The following SLC35F3 variants were observed in gnomAD, a reference collection of about 807,000 sequenced individuals.
SLC35F3 encodes the protein solute carrier family 35 member F3, also known as putative thiamine transporter SLC35F3.
Under a neutral mutation model 49.9 loss-of-function variants are expected in SLC35F3, and 25 were observed. The ratio of observed to expected loss-of-function variants is 0.50; its 90% confidence interval spans 0.37 to 0.70. SLC35F3 has a LOEUF of 0.70. SLC35F3 is among the 30% of genes least tolerant of loss of function. The pLI, the probability that SLC35F3 is intolerant of heterozygous loss-of-function variation, is 0.00. For synonymous variants in SLC35F3, 275 were observed against 265.4 expected (o/e 1.04, Z -0.35); for missense variants, 525 against 639.8 (o/e 0.82, Z 1.94).
At chr1:234,139,969 T>TAAAATAAAATAAAATA (rs1665872390) in intron 2 of SLC35F3, among the ~76,000 whole-genome samples, 1 of 134,196 alleles carries the variant, frequency 7.5e-6, no homozygotes, top group Non-Finnish European at 1.6e-5. Flanking sequence ...TAAAATAAAA[T>TAAAATAAAATAAAATA]AAAATAAAAT....
At position 234,318,733 on chromosome 1, in the gene SLC35F3, C is replaced by T; in HGVS notation, c.955-18C>T. 1 of 1,610,872 alleles carries T rather than the reference C, an allele frequency of 6.2e-7. No homozygotes were observed. The highest frequency in any genetic ancestry group is 8.5e-7 in the Non-Finnish European group (1 of 1,178,316). ...TGAGGTGAGCCTTCACCCCGTCCTC[C>T]TCTGCTTTCTCCTACAGGTTTTGTT... On this transcript the variant is annotated intron_variant, in intron 5 of 7. Coordinates refer to ENST00000366618, the MANE Select transcript of SLC35F3 (RefSeq NM_173508.4).
chr1:234,174,519 G>A (rs192431111), intron 2 of SLC35F3, among the ~76,000 whole-genome samples: 14 of 152,340 alleles, frequency 9.2e-5, no homozygotes, highest in Admixed American at 7.2e-4. Context: ...TGAGAGAGCT[G>A]GTTATCATCC....
intron 3 of SLC35F3, among the ~76,000 whole-genome samples, chr1:234,259,023 GGA>G (rs1213925464): frequency 6.6e-6 from 1 of 152,198 alleles, no homozygotes; most frequent in African/African-American, 2.4e-5. Context: ...CGGGGAAAGG[GGA>G]GAGTAAAAAC....
intron 2 of SLC35F3, among the ~76,000 whole-genome samples, chr1:234,153,945 C>A (rs1041521349): frequency 6.6e-6 from 1 of 152,112 alleles, no homozygotes; most frequent in Non-Finnish European, 1.5e-5. Context: ...CGCCTGTAGT[C>A]CCAGGTACTC....
chr1:234,265,410 C>T (rs898429530), intron 3 of SLC35F3, among the ~76,000 whole-genome samples: 6 of 151,706 alleles, frequency 4.0e-5, no homozygotes, highest in African/African-American at 7.3e-5. Flanking sequence ...TGGACTCAAG[C>T]GATCCTCCCG....
chr1:234,321,833 G>C (rs1035153747), intron 7 of SLC35F3, among the ~76,000 whole-genome samples: 12 of 152,080 alleles, frequency 7.9e-5, no homozygotes, highest in African/African-American at 2.9e-4. Context: ...CAAGGGACTG[G>C]CTGGTTGGCT....
intron 3 of SLC35F3, among the ~76,000 whole-genome samples, chr1:234,237,892 T>C (rs905919495): frequency 6.6e-5 from 10 of 152,134 alleles, no homozygotes; most frequent in Non-Finnish European, 1.3e-4. Context: ...TTTGTAGAGA[T>C]GAGGTTTCGC....
Position 233,957,915 on chromosome 1 carries a change from T to G in SLC35F3, c.283+52157T>G, listed in dbSNP as rs1662732926. Among the ~76,000 whole-genome samples, 1 of 152,194 alleles carries G rather than the reference T, an allele frequency of 6.6e-6. No homozygotes were observed. The highest frequency in any genetic ancestry group is 2.4e-5 in the African/African-American group (1 of 41,454). On this transcript the variant is annotated intron_variant, in intron 2 of 7. Coordinates refer to ENST00000366618, the MANE Select transcript of SLC35F3 (RefSeq NM_173508.4). The surrounding 1 kb of genome is among the most constrained non-coding windows in gnomAD (Gnocchi z 4.0). ...TCTGCTGGTAGTTCTTGAGGCCTTT[T>G]ATATGTTTGTGGTCAAGTGGGTCTA... is the stretch of plus-strand genomic sequence containing the variant.
rs1403591802 is a variant in SLC35F3 at position 234,056,184 on chromosome 1, T to G, written c.283+150426T>G. Reference sequence around the variant, plus strand: ...TTCCTTTCATTTATTCTTCAATCACTTTATTGGTTCATTTTTATTTTCTAA... The same window carrying G: ...TTCCTTTCATTTATTCTTCAATCACGTTATTGGTTCATTTTTATTTTCTAA... On this transcript the variant is annotated intron_variant, in intron 2 of 7. Coordinates refer to ENST00000366618, the MANE Select transcript of SLC35F3 (RefSeq NM_173508.4). Among the ~76,000 whole-genome samples the G allele has an allele frequency of 4.6e-5, 7 of 152,192 alleles. 1 individual carries two copies. The East Asian group carries it at 1.2e-3, about 25-fold the overall frequency.
Position 233,989,200 on chromosome 1 carries a change from A to G in SLC35F3, c.283+83442A>G, listed in dbSNP as rs114250633. Among the ~76,000 whole-genome samples, 888 of 152,330 alleles carry G rather than the reference A, an allele frequency of 5.8e-3. 7 individuals carry two copies. The highest frequency in any genetic ancestry group is 0.02 in the African/African-American group (833 of 41,582). On this transcript the variant is annotated intron_variant, in intron 2 of 7. Coordinates refer to ENST00000366618, the MANE Select transcript of SLC35F3 (RefSeq NM_173508.4). ...GCACGCATTCTCTTTCAGAATGTTTAAATACATCACCCTTTGATAGTGCTC... is the reference window on the plus strand; with the variant it reads ...GCACGCATTCTCTTTCAGAATGTTTGAATACATCACCCTTTGATAGTGCTC...
At chr1:234,151,903 T>C (rs1666079944) in intron 2 of SLC35F3, among the ~76,000 whole-genome samples, 1 of 152,104 alleles carries the variant, frequency 6.6e-6, no homozygotes. Context: ...ATTGCATATT[T>C]AAAGAGCATT....
intron 3 of SLC35F3, among the ~76,000 whole-genome samples, chr1:234,303,047 T>A (rs1274239748): frequency 6.6e-6 from 1 of 152,206 alleles, no homozygotes; most frequent in Non-Finnish European, 1.5e-5. Context: ...ATTAAATTCT[T>A]ATCTCAGTAT....
At chr1:234,131,492 C>T (rs904393499) in intron 2 of SLC35F3, among the ~76,000 whole-genome samples, 1 of 152,058 alleles carries the variant, frequency 6.6e-6, no homozygotes, top group African/African-American at 2.4e-5. Flanking sequence ...TCCTGCTTAA[C>T]ATCCTTATAG....
At chr1:233,939,765 C>T (rs1277826775) in intron 2 of SLC35F3, among the ~76,000 whole-genome samples, 1 of 152,122 alleles carries the variant, frequency 6.6e-6, no homozygotes, top group Admixed American at 6.5e-5. Flanking sequence ...CAGCGTGAAG[C>T]CTGTTTAGGA....
chr1:234,223,062 G>T (rs1022922437), intron 2 of SLC35F3, among the ~76,000 whole-genome samples: 1 of 152,184 alleles, frequency 6.6e-6, no homozygotes, highest in Non-Finnish European at 1.5e-5. Context: ...AAGAGGAGGC[G>T]CTGACTCTTC....
rs531315196 is a variant in SLC35F3 at position 234,286,675 on chromosome 1, G to A, written c.609-22426G>A. On this transcript the variant is annotated intron_variant, in intron 3 of 7. Coordinates refer to ENST00000366618, the MANE Select transcript of SLC35F3 (RefSeq NM_173508.4). ...AGCTCAAAATGAACTCCTACAAGAA[G>A]CAACAAACATTTGATTGTCTCTCTA... Among the ~76,000 whole-genome samples, 114 of 152,318 alleles carry A rather than the reference G, an allele frequency of 7.5e-4. 1 individual carries two copies. The highest frequency in any genetic ancestry group is 2.6e-3 in the African/African-American group (108 of 41,576).
chr1:233,990,053 G>A (rs896459833), intron 2 of SLC35F3, among the ~76,000 whole-genome samples: 3 of 151,854 alleles, frequency 2.0e-5, no homozygotes, highest in Non-Finnish European at 2.9e-5. Flanking sequence ...AGCAAACCAA[G>A]GTTTTAAAAA....
intron 2 of SLC35F3, among the ~76,000 whole-genome samples, chr1:234,000,416 A>G (rs115746735): frequency 2.0e-5 from 3 of 152,336 alleles, no homozygotes; most frequent in Non-Finnish European, 4.4e-5. Context: ...CACATTGCTG[A>G]CTAACAAGGC....
chr1:234,007,729 G>A (rs1411867747), intron 2 of SLC35F3, among the ~76,000 whole-genome samples: 1 of 152,122 alleles, frequency 6.6e-6, no homozygotes, highest in Non-Finnish European at 1.5e-5. Flanking sequence ...TGGTTAATGG[G>A]CAGTCATTGC....
Sources: gnomAD v4.1 joint callset for allele counts (sites outside exome capture counted in the v4.1 genomes callset) on GRCh38, gnomAD v4.1.1 for gene constraint, Gnocchi (gnomAD v3.1) non-coding constraint, MANE v1.5 for transcripts, NCBI Gene and HGNC (gene_info 2026-07-23, HGNC 2026-07-21) for gene names.